Variants in BCR observed in about 807,000 individuals in gnomAD.
BCR encodes BCR activator of RhoGEF and GTPase.
In BCR, 58 loss-of-function variants were observed where a neutral mutation model predicts 138.6. The observed-to-expected ratio is 0.42, with a 90% CI of 0.34 to 0.52. The LOEUF (loss-of-function observed/expected upper bound fraction) is 0.52, where lower values mean the gene tolerates loss of function less well. BCR is among the 20% of genes least tolerant of loss of function. The pLI, the probability that BCR is intolerant of heterozygous loss-of-function variation, is 0.06. For missense variants in BCR, 1,599 were observed against 1,727.2 expected (o/e 0.93, Z 1.32); for synonymous variants, 786 against 730.1 (o/e 1.08, Z -1.23).
intron 16 of BCR, among the ~76,000 whole-genome samples, chr22:23,305,613 A>G (rs67376222): frequency 6.6e-6 from 1 of 152,048 alleles, no homozygotes; most frequent in South Asian, 2.1e-4. Flanking sequence ...CCACCCCACC[A>G]CTTCCCTGGG....
intron 10 of BCR, among the ~76,000 whole-genome samples, chr22:23,286,621 G>T (rs1479854693): frequency 6.6e-6 from 1 of 152,192 alleles, no homozygotes; most frequent in South Asian, 2.1e-4. Context: ...CTGGTGACAG[G>T]CAGCACAGTT....
At chr22:23,277,308 A>G (rs1371998026) in intron 8 of BCR, among the ~76,000 whole-genome samples, 2 of 152,188 alleles carry the variant, frequency 1.3e-5, no homozygotes, top group Non-Finnish European at 2.9e-5. Flanking sequence ...GCCCAGTCAC[A>G]CAGCCACTAA....
intron 1 of BCR, among the ~76,000 whole-genome samples, chr22:23,249,359 A>T (rs571804728): frequency 1.3e-5 from 2 of 151,632 alleles, no homozygotes; most frequent in South Asian, 4.2e-4. Context: ...GTGAACCCGG[A>T]AGGTGGAGCT....
chr22:23,210,827 T>C (rs1486023465), intron 1 of BCR, among the ~76,000 whole-genome samples: 1 of 152,250 alleles, frequency 6.6e-6, no homozygotes, highest in African/African-American at 2.4e-5. Context: ...CATTCCTTTT[T>C]ATTACCGAGG....
rs1391813866 is a variant in BCR at position 23,287,228 on chromosome 22, C to T, written c.2476C>T (p.Leu826=). The T allele has an allele frequency of 6.4e-7, 1 of 1,561,072 alleles. No individual in the cohort carries two copies. ...GCTGTCGGAGCAGGAGTCACTGCTGCTGCTTATGTCTCCCAGCATGGCCTT... is the reference window on the plus strand; with the variant it reads ...GCTGTCGGAGCAGGAGTCACTGCTGTTGCTTATGTCTCCCAGCATGGCCTT... ...KKLSEQESLL[L]LMSPSMAFRV... is the part of the protein sequence containing the mutation. Residue 826 remains leucine (L), a synonymous_variant, in exon 11 of 23, where the codon CTG becomes TTG. Coordinates refer to ENST00000305877, the MANE Select transcript of BCR (RefSeq NM_004327.4).
At chr22:23,202,539 C>T (rs1324352172) in intron 1 of BCR, among the ~76,000 whole-genome samples, 2 of 152,162 alleles carry the variant, frequency 1.3e-5, no homozygotes, top group Non-Finnish European at 2.9e-5. Flanking sequence ...CGCCCAGTCC[C>T]TGTAACCACC....
rs1319570632 is a variant in BCR at position 23,206,990 on chromosome 22, ATCTG to A, written c.1279+24755_1279+24758del. On this transcript the variant is annotated intron_variant, in intron 1 of 22. Coordinates refer to ENST00000305877, the MANE Select transcript of BCR (RefSeq NM_004327.4). ...CCCTCCCTCCATCCATCCATCCATC[ATCTG>A]TCTAACATCCAGCCAACCATCCATC... is the stretch of plus-strand genomic sequence containing the variant. 3.4e-4 allele frequency among the ~76,000 whole-genome samples: 41 copies of A among 121,428 alleles called. 1 individual carries two copies. Among genetic ancestry groups the A allele is most frequent in the African/African-American group, 1.1e-3 (34 of 30,128 alleles). 79.7% of individuals were successfully genotyped at this position (121,428 alleles called of 152,430 possible). A position where few individuals can be genotyped will look rare whatever the true frequency, so the allele number is the denominator to read the frequency against.
At chr22:23,190,582 C>G (rs2072400965) in intron 1 of BCR, among the ~76,000 whole-genome samples, 1 of 152,172 alleles carries the variant, frequency 6.6e-6, no homozygotes, top group Non-Finnish European at 1.5e-5. Flanking sequence ...CAGTCACATT[C>G]TGAGGTACTG....
At chr22:23,299,061 A>T (rs954202827) in intron 16 of BCR, among the ~76,000 whole-genome samples, 19 of 152,198 alleles carry the variant, frequency 1.2e-4, no homozygotes, top group African/African-American at 3.9e-4. Context: ...CAGTGGCATG[A>T]TCTCGGCTCA....
intron 4 of BCR, 52 bp from the exon 5 acceptor site, chr22:23,268,356 G>T: frequency 6.9e-7 from 1 of 1,446,630 alleles, no homozygotes; most frequent in Non-Finnish European, 9.5e-7. Flanking sequence ...TCTTCAGAAA[G>T]ATGGGGGAGC....
At chr22:23,213,354 G>T (rs560008836) in intron 1 of BCR, among the ~76,000 whole-genome samples, 1 of 152,278 alleles carries the variant, frequency 6.6e-6, no homozygotes, top group Admixed American at 6.5e-5. Flanking sequence ...TGCAGGAGTC[G>T]GGCTGGGCTG....
chr22:23,236,422 G>T (rs1479431967), intron 1 of BCR, among the ~76,000 whole-genome samples: 1 of 152,340 alleles, frequency 6.6e-6, no homozygotes, highest in Non-Finnish European at 1.5e-5. Context: ...GAGGAGAGTG[G>T]TGTGAATCCA....
chr22:23,233,707 T>G (rs2072986255), intron 1 of BCR, among the ~76,000 whole-genome samples: 2 of 151,398 alleles, frequency 1.3e-5, no homozygotes, highest in Non-Finnish European at 1.5e-5. Context: ...CAAGAATCGC[T>G]TGAACCCAGG....
chr22:23,227,412 T>G (rs1398660390), intron 1 of BCR, among the ~76,000 whole-genome samples: 1 of 152,168 alleles, frequency 6.6e-6, no homozygotes, highest in Non-Finnish European at 1.5e-5. Context: ...GGTCCAGCCC[T>G]CTGCACAGGT....
rs560885775 is a variant in BCR, at chr22:23,248,907, G to T, written c.1280-4892G>T. ...TTCCACTGGGTATTCCTGGTACGGG[G>T]GCAGGAGCCAGGCCTCCCAATTGGT... On this transcript the variant is annotated intron_variant, in intron 1 of 22. Transcript: ENST00000305877. Among the ~76,000 whole-genome samples the T allele has an allele frequency of 1.1e-4, 17 of 152,316 alleles. No homozygotes were observed. The South Asian group carries it at 3.3e-3, about 30-fold the overall frequency.
chr22:23,191,087 C>T (rs2072407685), intron 1 of BCR, among the ~76,000 whole-genome samples: 1 of 152,102 alleles, frequency 6.6e-6, no homozygotes, highest in African/African-American at 2.4e-5. Context: ...CGCGTGCCAC[C>T]ATGCCTGGCT....
rs115274455 is a variant in BCR, at chr22:23,273,753, C to T, written c.2094C>T (p.Ser698=). The T allele has an allele frequency of 6.7e-5, 108 of 1,614,140 alleles. 1 individual carries two copies. In the African/African-American group the frequency reaches 1.4e-3, roughly 21 times the overall value. The change falls in exon 8 of 23, where the codon TCC becomes TCT. Residue 698 remains serine, a synonymous_variant. Transcript: ENST00000305877. ...INEEITPRRQ[S]MTVKKGEHRQ... is the part of the protein sequence containing the mutation. Reference sequence around the variant, plus strand: ...AGGAGATCACACCCCGACGGCAGTCCATGACGGTGAAGAAGGGAGAGGTGA... The same window carrying T: ...AGGAGATCACACCCCGACGGCAGTCTATGACGGTGAAGAAGGGAGAGGTGA...
At chr22:23,248,464 A>G (rs552283687) in intron 1 of BCR, among the ~76,000 whole-genome samples, 2 of 151,188 alleles carry the variant, frequency 1.3e-5, no homozygotes, top group East Asian at 2.0e-4. Flanking sequence ...AGTGTAGTCT[A>G]GGGGATGTGA....
chr22:23,253,537 T>A (rs539404314), intron 1 of BCR, among the ~76,000 whole-genome samples: 1 of 152,310 alleles, frequency 6.6e-6, no homozygotes, highest in Admixed American at 6.5e-5. Flanking sequence ...CAAATATACA[T>A]TTCTTAAGTC....
Sources: allele counts gnomAD v4.1 joint callset (sites outside exome capture counted in the v4.1 genomes callset), GRCh38; gene constraint gnomAD v4.1.1; transcripts MANE v1.5; gene names NCBI Gene and HGNC (gene_info 2026-07-23, HGNC 2026-07-21).